The following SETBP1 variants were observed in gnomAD, a reference collection of about 807,000 sequenced individuals.
SETBP1 encodes SET-binding protein.
Under a neutral mutation model 101.0 loss-of-function variants are expected in SETBP1, and 9 were observed. The ratio of observed to expected loss-of-function variants is 0.09; its 90% CI spans 0.05 to 0.16. The LOEUF is 0.16. Among genes scored for constraint, SETBP1 ranks in the 10% least tolerant of loss-of-function variants. The probability of loss-of-function intolerance (pLI) is 1.00; values close to 1 mark genes in which losing one functional copy is unlikely to be tolerated. For synonymous variants in SETBP1, 818 were observed against 788.5 expected, an observed-to-expected ratio of 1.04 and a Z score of -0.63; for missense variants, 1,858 against 2,033.8, an observed-to-expected ratio of 0.91 and a Z score of 1.66.
chr18:45,006,638 C>A (rs1043855100), intron 4 of SETBP1, among the ~76,000 whole-genome samples: 3 of 152,178 alleles, frequency 2.0e-5, no homozygotes, highest in Non-Finnish European at 4.4e-5. Flanking sequence ...TGTGTACAGG[C>A]CTGTGTCAAA....
At chr18:44,987,868 C>G (rs1230260189) in intron 4 of SETBP1, 2 of 152,072 alleles carry the variant, frequency 1.3e-5, no homozygotes, top group African/African-American at 4.8e-5. Context: ...ATAGATCAAT[C>G]TACAGTTAGA....
At chr18:44,985,771 T>C (rs1361647506) in intron 4 of SETBP1, among the ~76,000 whole-genome samples, 1 of 152,200 alleles carries the variant, frequency 6.6e-6, no homozygotes, top group African/African-American at 2.4e-5. Flanking sequence ...ATTTTCACTG[T>C]TCAACCTTTA....
intron 1 of SETBP1, among the ~76,000 whole-genome samples, chr18:44,690,102 A>G (rs2068904926): frequency 6.6e-6 from 1 of 152,356 alleles, no homozygotes; most frequent in Middle Eastern, 3.4e-3. Flanking sequence ...ATGAAATTGT[A>G]TATAAGCATT....
chr18:45,060,216 A>C (rs1311551708), intron 5 of SETBP1, among the ~76,000 whole-genome samples: 1 of 152,178 alleles, frequency 6.6e-6, no homozygotes, highest in Non-Finnish European at 1.5e-5. Context: ...TCCTTATATG[A>C]CTTTTGCCTC....
intron 1 of SETBP1, among the ~76,000 whole-genome samples, chr18:44,682,529 G>A (rs924796434): frequency 3.3e-5 from 5 of 152,128 alleles, no homozygotes; most frequent in African/African-American, 9.7e-5. Context: ...ACTCCCTGAG[G>A]GAGGCGTGAG....
Position 44,702,032 on chromosome 18 carries a change from C to T in SETBP1, c.486+200C>T, listed in dbSNP as rs75690771. 0.027 allele frequency among the ~76,000 whole-genome samples: 4,179 copies of T among 152,042 alleles called. 177 individuals carry two copies. Among genetic ancestry groups the T allele is most frequent in the African/African-American group, 0.093 (3,867 of 41,438 alleles). ...TAACTACTAATAGCTTACTGTTGAC[C>T]GGAAGCCTTACTGGTAGTATTATCA... On this transcript the variant is annotated intron_variant, in intron 2 of 5. Coordinates refer to ENST00000649279, the MANE Select transcript of SETBP1 (RefSeq NM_015559.3).
intron 2 of SETBP1, among the ~76,000 whole-genome samples, chr18:44,848,280 G>T (rs549417132): frequency 1.3e-5 from 2 of 152,190 alleles, no homozygotes; most frequent in South Asian, 4.1e-4. Flanking sequence ...TAAAGCTCAT[G>T]GTAAAAATTA....
At chr18:44,739,685 A>T (rs1190973686) in intron 2 of SETBP1, among the ~76,000 whole-genome samples, 1 of 152,236 alleles carries the variant, frequency 6.6e-6, no homozygotes, top group African/African-American at 2.4e-5. Flanking sequence ...TGGTTATTCA[A>T]CTTGTATCAA....
At chr18:44,804,680 C>A (rs1162983759) in intron 2 of SETBP1, among the ~76,000 whole-genome samples, 1 of 152,088 alleles carries the variant, frequency 6.6e-6, no homozygotes. Context: ...GGCAAAAGCC[C>A]ATAAATATGG....
chr18:45,063,378 C>A lies in SETBP1; in HGVS notation c.4471C>A (p.Leu1491Met). The A allele has an allele frequency of 6.4e-7, 1 of 1,559,830 alleles. No individual in the cohort carries two copies. ...LPSKRGQKPS[L>M]SPLVLEPAAS... ...CAGCAAAAGAGGCCAGAAGCCCAGCCTGAGCCCGCTGGTGCTGGAGCCCGC... is the reference window on the plus strand; with the variant it reads ...CAGCAAAAGAGGCCAGAAGCCCAGCATGAGCCCGCTGGTGCTGGAGCCCGC... The change falls in exon 6 of 6, where the codon CTG (leucine) becomes ATG (methionine). Residue 1491 changes from leucine (L) to methionine (M), a missense_variant. This residue lies in a region of SETBP1 where 178 missense variants were observed against 189.1 expected (regional missense o/e 0.94). Transcript: ENST00000649279.
intron 3 of SETBP1, among the ~76,000 whole-genome samples, chr18:44,902,952 A>T (rs202235928): frequency 1.4e-3 from 220 of 152,090 alleles, no homozygotes; most frequent in East Asian, 5.0e-3. Context: ...ATATTTTTTT[A>T]AAAAATAATA....
intron 2 of SETBP1, among the ~76,000 whole-genome samples, chr18:44,829,289 C>T (rs1568168084): frequency 6.6e-6 from 1 of 152,162 alleles, no homozygotes; most frequent in African/African-American, 2.4e-5. Context: ...ACATCGTATA[C>T]ATGTTACTGA....
At chr18:44,973,847 A>T (rs1400049339) in intron 4 of SETBP1, among the ~76,000 whole-genome samples, 1 of 152,144 alleles carries the variant, frequency 6.6e-6, no homozygotes, top group East Asian at 1.9e-4. Flanking sequence ...TACTGTTAAG[A>T]CTGCATTTTC....
chr18:44,684,620 T>A (rs904951980), intron 1 of SETBP1, among the ~76,000 whole-genome samples: 1 of 147,740 alleles, frequency 6.8e-6, no homozygotes, highest in South Asian at 2.2e-4. Context: ...GAGGGTACCA[T>A]CTAAGGTTGA....
At position 45,063,523 on chromosome 18, in the gene SETBP1, C is replaced by T. The variant is rs1214227172; in HGVS notation, c.4616C>T (p.Pro1539Leu). 3 of 1,356,066 alleles carry T rather than the reference C, an allele frequency of 2.2e-6. No homozygotes were observed. Among genetic ancestry groups the T allele is most frequent in the Non-Finnish European group, 2.9e-6 (3 of 1,038,082 alleles). 84.0% of individuals were successfully genotyped at this position (1,356,066 alleles called of 1,614,324 possible). A position where few individuals can be genotyped will look rare whatever the true frequency, so the allele number is the denominator to read the frequency against. Residue 1539 changes from proline to leucine, a missense_variant, in exon 6 of 6, where the codon CCC (proline) becomes CTC (leucine). This residue lies in a region of SETBP1 where 178 missense variants were observed against 189.1 expected (regional missense o/e 0.94). Coordinates refer to ENST00000649279, the MANE Select transcript of SETBP1 (RefSeq NM_015559.3). Reference protein sequence around the residue: ...PLPPPPPPPLPPPPPLPKTPR... With the variant: ...PLPPPPPPPLLPPPPLPKTPR... ...CCGCCACCGCCGCCACCACCCCTGC[C>T]CCCGCCACCCCCTCTACCCAAGACC...
intron 2 of SETBP1, among the ~76,000 whole-genome samples, chr18:44,792,639 G>A (rs533514065): frequency 7.2e-5 from 11 of 152,238 alleles, no homozygotes; most frequent in South Asian, 2.1e-4. Flanking sequence ...TCTTTTGCCC[G>A]GCCACTTCCA....
chr18:44,736,258 C>G (rs911306802), intron 2 of SETBP1, among the ~76,000 whole-genome samples: 3 of 152,166 alleles, frequency 2.0e-5, no homozygotes, highest in Admixed American at 2.0e-4. Flanking sequence ...GCACGTCTGT[C>G]ATCCCAGCTA....
At chr18:44,782,058 G>A (rs2071142274) in intron 2 of SETBP1, among the ~76,000 whole-genome samples, 1 of 152,162 alleles carries the variant, frequency 6.6e-6, no homozygotes, top group African/African-American at 2.4e-5. Flanking sequence ...CTGGTCTGGG[G>A]ATTAGGGAAA....
At chr18:44,775,883 G>T (rs989869461) in intron 2 of SETBP1, among the ~76,000 whole-genome samples, 10 of 152,154 alleles carry the variant, frequency 6.6e-5, no homozygotes, top group African/African-American at 2.4e-4. Context: ...GCAGATCCCT[G>T]CTCAAGCCAC....
Sources: allele counts gnomAD v4.1 joint callset (sites outside exome capture counted in the v4.1 genomes callset), GRCh38; gene constraint gnomAD v4.1.1; regional missense constraint gnomAD v4.1.1; transcripts MANE v1.5; gene names NCBI Gene and HGNC (gene_info 2026-07-23, HGNC 2026-07-21).